Variants in SETD5 observed in about 807,000 individuals in gnomAD.
SETD5 encodes the protein SET domain containing 5.
In SETD5, 44 loss-of-function variants were observed where a neutral mutation model predicts 153.3. The observed-to-expected ratio is 0.29, with a 90% confidence interval of 0.23 to 0.37. The LOEUF (loss-of-function observed/expected upper bound fraction) is 0.37. SETD5 is among the 10% of genes least tolerant of loss of function. SETD5 has a pLI of 1.00. For missense variants in SETD5, 1,544 were observed against 1,768.0 expected, an observed-to-expected ratio of 0.87 and a Z score of 2.27; for synonymous variants, 716 against 645.2, an observed-to-expected ratio of 1.11 and a Z score of -1.66.
chr3:9,430,293 C>G, intron 3 of SETD5: 1 of 983,778 alleles, frequency 1.0e-6, no homozygotes, highest in Non-Finnish European at 1.2e-6. Flanking sequence ...TTAAAGCTAC[C>G]CTGAGAAATA....
chr3:9,434,288 C>T lies in SETD5; in HGVS notation c.178-46C>T, dbSNP rs574460715. On this transcript the variant is annotated intron_variant, in intron 4 of 22. Transcript: ENST00000402198. This position sits in a 1 kb window ranked among gnomAD's most constrained non-coding sequence, Gnocchi z 5.6. ...AATCTTATTTTCAGGATCATAATTA[C>T]GGAGCCCCTCCTCCTCCGACACCTC... The T allele has an allele frequency of 1.6e-5, 25 of 1,609,252 alleles. No homozygotes were observed. The East Asian group carries it at 4.0e-4, about 26-fold the overall frequency.
At chr3:9,459,765 G>T (rs889243294) in intron 17 of SETD5, among the ~76,000 whole-genome samples, 1 of 151,276 alleles carries the variant, frequency 6.6e-6, no homozygotes, top group Non-Finnish European at 1.5e-5. Flanking sequence ...GATGACTAAG[G>T]TTCCTTCTAG....
At chr3:9,432,303 C>T (rs2040055543) in intron 3 of SETD5, 1 of 984,970 alleles carries the variant, frequency 1.0e-6, no homozygotes, top group Admixed American at 6.2e-5. Flanking sequence ...TCCTTTCTCA[C>T]AGTTTTGGAG....
chr3:9,403,250 A>C (rs1313758371), intron 1 of SETD5, among the ~76,000 whole-genome samples: 2 of 152,214 alleles, frequency 1.3e-5, no homozygotes, highest in African/African-American at 4.8e-5. Context: ...ATTCTCGCCA[A>C]GGAAAAATAA....
chr3:9,432,659 G>C (rs1207410623), intron 3 of SETD5, among the ~76,000 whole-genome samples: 1 of 152,010 alleles, frequency 6.6e-6, no homozygotes, highest in Non-Finnish European at 1.5e-5. Context: ...AACCTAACCA[G>C]GTAACAATCA....
intron 17 of SETD5, among the ~76,000 whole-genome samples, chr3:9,460,313 G>GGT (rs1256868975): frequency 2.0e-5 from 3 of 151,172 alleles, no homozygotes; most frequent in Admixed American, 1.3e-4. Context: ...TTAGACATGT[G>GGT]GTATATATAG....
intron 6 of SETD5, among the ~76,000 whole-genome samples, chr3:9,435,243 C>CAA (rs5846637): frequency 6.4e-4 from 51 of 80,078 alleles, no homozygotes; most frequent in South Asian, 9.6e-4. Flanking sequence ...AACTCCCTCT[C>CAA]AAAAAAAAAA....
Position 9,475,136 on chromosome 3 carries a change from C to A in SETD5, c.3700C>A (p.Pro1234Thr). ...ALSKGATVYS[P>T]SRYSYQLLQC... ...CTCTAAAGGAGCAACAGTTTACAGC[C>A]CTTCCAGATACAGCTACCAGGTGAG... Residue 1234 changes from proline to threonine, a missense_variant, in exon 22 of 23, where the codon CCT (proline) becomes ACT (threonine). By Grantham distance (38) the Pro-to-Thr change is conservative. Transcript: ENST00000402198. 6.3e-7 allele frequency: 1 copy of A among 1,586,134 alleles called. No individual in the cohort carries two copies. The highest frequency in any genetic ancestry group is 1.3e-5 in the African/African-American group (1 of 74,356).
chr3:9,466,300 A>G (rs1024698526), intron 18 of SETD5, among the ~76,000 whole-genome samples: 5 of 151,714 alleles, frequency 3.3e-5, no homozygotes, highest in East Asian at 1.9e-4. Flanking sequence ...AAAAAAAAAA[A>G]AAAAAAAAAG....
chr3:9,431,398 A>C, intron 3 of SETD5: 1 of 983,832 alleles, frequency 1.0e-6, no homozygotes, highest in Admixed American at 6.1e-5. Context: ...ACATTTGCAT[A>C]AAGTGGTTGG....
intron 9 of SETD5, among the ~76,000 whole-genome samples, 175 bp from the exon 10 acceptor site, chr3:9,441,953 A>G (rs530227312): frequency 2.0e-5 from 3 of 152,362 alleles, no homozygotes; most frequent in South Asian, 4.1e-4. Flanking sequence ...CAAGCCAAGC[A>G]TTCCTTGCTT....
At chr3:9,435,168 G>A (rs1322359826) in intron 6 of SETD5, among the ~76,000 whole-genome samples, 1 of 150,812 alleles carries the variant, frequency 6.6e-6, no homozygotes, top group East Asian at 1.9e-4. Context: ...GCTTGAACCC[G>A]GGAGGCGGAA....
intron 1 of SETD5, among the ~76,000 whole-genome samples, chr3:9,408,825 G>C (rs941635947): frequency 6.6e-6 from 1 of 151,980 alleles, no homozygotes; most frequent in Non-Finnish European, 1.5e-5. Flanking sequence ...ATTATGTCAA[G>C]ATTTACCATA....
Position 9,429,022 on chromosome 3 carries a change from T to C in SETD5, c.71+13T>C. On this transcript the variant is annotated intron_variant, in intron 3 of 22. Transcript: ENST00000402198. The stretch of plus-strand genomic sequence containing the variant: ...CTGCTGGATCAGAGTAAGTGCTACT[T>C]TCTAGGTAGTAGGTACATTATCAGT... The C allele has an allele frequency of 1.3e-6, 2 of 1,597,514 alleles. No individual in the cohort carries two copies. Among genetic ancestry groups the C allele is most frequent in the Non-Finnish European group, 1.7e-6 (2 of 1,166,238 alleles).
chr3:9,415,035 TTGGG>T (rs1346162893), intron 1 of SETD5, among the ~76,000 whole-genome samples: 1 of 152,142 alleles, frequency 6.6e-6, no homozygotes, highest in Non-Finnish European at 1.5e-5. Flanking sequence ...TGGACTTTGT[TTGGG>T]GTCAAACTCT....
intron 1 of SETD5, among the ~76,000 whole-genome samples, chr3:9,417,801 T>A (rs917437366): frequency 1.5e-4 from 23 of 151,690 alleles, no homozygotes; most frequent in African/African-American, 4.6e-4. Flanking sequence ...TTTTTTTTTT[T>A]TAATTATTTT....
chr3:9,418,631 C>T (rs966049847), intron 1 of SETD5, among the ~76,000 whole-genome samples: 1 of 151,774 alleles, frequency 6.6e-6, no homozygotes, highest in Non-Finnish European at 1.5e-5. Flanking sequence ...GGTGAAACCC[C>T]GTCTCTACTA....
chr3:9,429,548 G>T (rs190685137), intron 3 of SETD5, among the ~76,000 whole-genome samples: 2,681 of 152,118 alleles, frequency 0.018, 58 homozygotes, highest in South Asian at 0.037. Flanking sequence ...CAAAATCAGT[G>T]GTACCAAACT....
At chr3:9,475,006 G>T in intron 21 of SETD5, 62 bp from the exon 22 acceptor site, 2 of 1,415,226 alleles carry the variant, frequency 1.4e-6, no homozygotes. Flanking sequence ...AATGAAAAAT[G>T]GCTCTTTCTT....
Sources: gnomAD v4.1 joint callset for allele counts (sites outside exome capture counted in the v4.1 genomes callset) on GRCh38, gnomAD v4.1.1 for gene constraint, Gnocchi (gnomAD v3.1) non-coding constraint, MANE v1.5 for transcripts, NCBI Gene and HGNC (gene_info 2026-07-23, HGNC 2026-07-21) for gene names.